The following SPINK13 variants were observed in gnomAD, a reference collection of about 807,000 sequenced individuals.
SPINK13 encodes the protein serine peptidase inhibitor Kazal type 13.
Under a neutral mutation model 11.0 loss-of-function variants are expected in SPINK13, and 11 were observed. The observed-to-expected ratio is 1.00, with a 90% CI of 0.63 to 1.65. SPINK13 has a LOEUF of 1.65. Among genes scored for constraint, SPINK13 ranks in the 40% most tolerant of loss-of-function variants. The pLI, the probability that SPINK13 is intolerant of heterozygous loss-of-function variation, is 0.00. For missense variants in SPINK13, 113 were observed against 117.7 expected, an observed-to-expected ratio of 0.96 and a Z score of 0.19; for synonymous variants, 31 against 35.6, an observed-to-expected ratio of 0.87 and a Z score of 0.46.
At chr5:148,270,571 T>A (rs1756335900) in intron 2 of SPINK13, among the ~76,000 whole-genome samples, 1 of 152,180 alleles carries the variant, frequency 6.6e-6, no homozygotes, top group South Asian at 2.1e-4. Flanking sequence ...TAGAGTTCAG[T>A]AGTAAAAATC....
Position 148,282,222 on chromosome 5 carries a change from T to C in SPINK13, c.227T>C (p.Val76Ala). The change falls in exon 4 of 5, where the codon GTT (valine) becomes GCT (alanine). Residue 76 changes from valine (V) to alanine (A), a missense_variant. Coordinates refer to ENST00000398450, the MANE Select transcript of SPINK13 (RefSeq NM_001040129.3). ...TTCCAGAATGAGTGTTTCTTTTGTG[T>C]TGAACAGAGGTAAGTTCAGAATAAA... The part of the protein sequence containing the change: ...HTFQNECFFC[V>A]EQREFHYRIK... 6.2e-7 allele frequency: 1 copy of C among 1,614,190 alleles called. No homozygotes were observed.
At chr5:148,283,456 G>A (rs73278563) in intron 4 of SPINK13, among the ~76,000 whole-genome samples, 4,561 of 152,232 alleles carry the variant, frequency 0.03, 217 homozygotes, top group African/African-American at 0.1. Flanking sequence ...GCTGGTTTGA[G>A]CATGCCAAGC....
At chr5:148,280,174 G>A (rs1169656045) in intron 3 of SPINK13, among the ~76,000 whole-genome samples, 3 of 152,084 alleles carry the variant, frequency 2.0e-5, no homozygotes, top group Non-Finnish European at 4.4e-5. Flanking sequence ...ATTCTAGTTA[G>A]CAGTTCCTGT....
At chr5:148,273,738 T>TC (rs1262854282) in intron 2 of SPINK13, among the ~76,000 whole-genome samples, 1 of 152,230 alleles carries the variant, frequency 6.6e-6, no homozygotes, top group African/African-American at 2.4e-5. Flanking sequence ...TCTATGATAT[T>TC]TTAAATATCA....
At chr5:148,282,071 T>G (rs1756523704) in intron 3 of SPINK13, 33 bp from the exon 4 acceptor site, 1 of 1,610,984 alleles carries the variant, frequency 6.2e-7, no homozygotes, top group Admixed American at 1.7e-5. Context: ...GAGAGTGTAT[T>G]ATTTGTCACT....
chr5:148,283,896 A>G (rs1273340380), intron 4 of SPINK13, among the ~76,000 whole-genome samples: 2 of 152,144 alleles, frequency 1.3e-5, no homozygotes, highest in Admixed American at 6.5e-5. Context: ...ATAGATTCAA[A>G]CAGACACACA....
intron 3 of SPINK13, 72 bp from the exon 4 acceptor site, chr5:148,282,032 G>A: frequency 1.3e-6 from 2 of 1,580,658 alleles, no homozygotes; most frequent in Non-Finnish European, 1.7e-6. Flanking sequence ...TTTAAGTGGG[G>A]CAGAAGTGAC....
At chr5:148,285,947 C>T (rs1165114325) in intron 4 of SPINK13, 53 bp from the exon 5 acceptor site, 6 of 1,074,616 alleles carry the variant, frequency 5.6e-6, no homozygotes, top group Non-Finnish European at 6.8e-6. Flanking sequence ...ACATTCAATA[C>T]CAATGTTCAC....
At chr5:148,275,179 C>T (rs994410098) in intron 3 of SPINK13, among the ~76,000 whole-genome samples, 1 of 152,154 alleles carries the variant, frequency 6.6e-6, no homozygotes, top group Non-Finnish European at 1.5e-5. Context: ...GTTCCCTTCC[C>T]TGTGTTCATG....
intron 1 of SPINK13, chr5:148,269,106 T>C (rs1202484267): frequency 6.6e-6 from 1 of 152,166 alleles, no homozygotes; most frequent in Non-Finnish European, 1.5e-5. Flanking sequence ...ATGGATAGAG[T>C]AGGGCGTGAG....
At chr5:148,274,856 AAATAT>A (rs1392313907) in intron 3 of SPINK13, among the ~76,000 whole-genome samples, 1 of 152,186 alleles carries the variant, frequency 6.6e-6, no homozygotes, top group Non-Finnish European at 1.5e-5. Flanking sequence ...ACAAGCTTTA[AAATAT>A]AATATTTTAG....
chr5:148,283,060 G>C (rs1452492226), intron 4 of SPINK13, among the ~76,000 whole-genome samples: 1 of 152,066 alleles, frequency 6.6e-6, no homozygotes, highest in Non-Finnish European at 1.5e-5. Flanking sequence ...TGGAGTCCCC[G>C]AGAGAGCAGG....
chr5:148,279,855 G>C (rs988082872), intron 3 of SPINK13, among the ~76,000 whole-genome samples: 3 of 152,082 alleles, frequency 2.0e-5, no homozygotes, highest in African/African-American at 7.2e-5. Flanking sequence ...AGTTCTCCTG[G>C]ATAATATATC....
At chr5:148,284,980 G>A (rs577462056) in intron 4 of SPINK13, among the ~76,000 whole-genome samples, 100 of 152,298 alleles carry the variant, frequency 6.6e-4, no homozygotes, top group African/African-American at 2.2e-3. Context: ...CAAAGTTGAT[G>A]AGAATAGAAA....
At chr5:148,283,885 C>A (rs1056562796) in intron 4 of SPINK13, among the ~76,000 whole-genome samples, 5 of 152,190 alleles carry the variant, frequency 3.3e-5, no homozygotes, top group Admixed American at 6.5e-5. Context: ...TGGAAAATCA[C>A]ATAGATTCAA....
chr5:148,283,606 T>C (rs1756549105), intron 4 of SPINK13, among the ~76,000 whole-genome samples: 1 of 152,196 alleles, frequency 6.6e-6, no homozygotes, highest in Non-Finnish European at 1.5e-5. Context: ...AATGTAAAAA[T>C]GTAAGTTAAC....
At chr5:148,275,134 T>A (rs114302809) in intron 3 of SPINK13, among the ~76,000 whole-genome samples, 2,665 of 152,194 alleles carry the variant, frequency 0.018, 41 homozygotes, top group Non-Finnish European at 0.031. Context: ...TTCCTCCCCT[T>A]GTCCCCGCTC....
intron 3 of SPINK13, among the ~76,000 whole-genome samples, chr5:148,275,914 G>A (rs549595046): frequency 1.3e-5 from 2 of 152,008 alleles, no homozygotes; most frequent in Non-Finnish European, 2.9e-5. Context: ...GCCCGCCTCC[G>A]CCTCCCAAAG....
intron 3 of SPINK13, 107 bp from the exon 4 acceptor site, chr5:148,281,993 CAATT>C: frequency 7.0e-7 from 1 of 1,432,822 alleles, no homozygotes. Flanking sequence ...TTGATAAGAT[CAATT>C]GACTGGTATG....
Sources: allele counts gnomAD v4.1 joint callset (sites outside exome capture counted in the v4.1 genomes callset), GRCh38; gene constraint gnomAD v4.1.1; transcripts MANE v1.5; gene names NCBI Gene and HGNC (gene_info 2026-07-23, HGNC 2026-07-21).